The following RWDD4 variants were observed in gnomAD, a reference collection of about 807,000 sequenced individuals.
RWDD4 encodes the protein RWD domain containing 4, also known as RWD domain-containing protein 4.
In RWDD4, 16 loss-of-function variants were observed where a neutral mutation model predicts 30.0. The observed-to-expected ratio is 0.53, with a 90% CI of 0.36 to 0.81. RWDD4 has a LOEUF of 0.81. RWDD4 is among the 30% of genes least tolerant of loss of function. The pLI is 0.00. For synonymous variants in RWDD4, 45 were observed against 72.1 expected (o/e 0.62, Z 1.90); for missense variants, 170 against 223.9 (o/e 0.76, Z 1.54).
chr4:183,639,746 A>T lies in RWDD4; in HGVS notation c.*1690T>A, dbSNP rs1316305863. The T allele has an allele frequency of 6.5e-6, 1 of 152,674 alleles. No individual in the cohort carries two copies. The highest frequency in any genetic ancestry group is 1.5e-5 in the Non-Finnish European group (1 of 68,052). 9.5% of individuals were successfully genotyped at this position (152,674 alleles called of 1,614,324 possible). A position where few individuals can be genotyped will look rare whatever the true frequency, so the allele number is the denominator to read the frequency against. ...GGAGTGTTAAACAGATGACGGCAAT[A>T]TTGATGAGGCTGTTCAAGTGTTTTA... On this transcript the variant is annotated 3_prime_UTR_variant, in exon 8 of 8. Coordinates refer to ENST00000326397, the MANE Select transcript of RWDD4 (RefSeq NM_152682.4).
At chr4:183,643,441 A>AAAAAAAAC (rs1733908065) in intron 7 of RWDD4, among the ~76,000 whole-genome samples, 1 of 143,106 alleles carries the variant, frequency 7.0e-6, no homozygotes, top group Non-Finnish European at 1.5e-5. Context: ...AAAAAAAAAA[A>AAAAAAAAC]AAAAAAGCAT....
At position 183,658,884 on chromosome 4, in the gene RWDD4, G is replaced by T. The variant is rs1027224970; in HGVS notation, c.24+45C>A. ...AGGTCTCACGGGGGCCCGGGGCTGCGCGCCGCGCCCGCGCTGGGAGAGGGC... is the reference window on the plus strand; with the variant it reads ...AGGTCTCACGGGGGCCCGGGGCTGCTCGCCGCGCCCGCGCTGGGAGAGGGC... On this transcript the variant is annotated intron_variant, in intron 1 of 7. Coordinates refer to ENST00000326397, the MANE Select transcript of RWDD4 (RefSeq NM_152682.4). 10 of 1,235,690 alleles carry T rather than the reference G, an allele frequency of 8.1e-6. No individual in the cohort carries two copies. The African/African-American group carries it at 1.5e-4, about 19-fold the overall frequency. 76.5% of individuals were successfully genotyped at this position (1,235,690 alleles called of 1,614,324 possible).
Position 183,655,962 on chromosome 4 carries a change from C to T in RWDD4, c.25-1G>A. ...TAGAGCGTAATGCTTCTAGTTCCAT[C>T]TGAAATAAAGAACTGAATGAGTTTT... On this transcript the variant is annotated splice_acceptor_variant, in intron 1 of 7. Transcript: ENST00000326397. LOFTEE classifies it high-confidence loss of function. 1 of 1,600,104 alleles carries T rather than the reference C, an allele frequency of 6.2e-7. No homozygotes were observed. Among genetic ancestry groups the T allele is most frequent in the Non-Finnish European group, 8.6e-7 (1 of 1,169,582 alleles).
intron 2 of RWDD4, among the ~76,000 whole-genome samples, chr4:183,653,211 T>G (rs1434303267): frequency 2.0e-5 from 3 of 152,214 alleles, no homozygotes; most frequent in Non-Finnish European, 4.4e-5. Flanking sequence ...ACACTAAGAT[T>G]GATCACATGG....
chr4:183,658,185 T>C (rs146460512), intron 1 of RWDD4, among the ~76,000 whole-genome samples: 2 of 152,312 alleles, frequency 1.3e-5, no homozygotes, highest in East Asian at 3.9e-4. Flanking sequence ...TTTCAAGCAT[T>C]ATACTTTAAA....
At chr4:183,641,919 T>C (rs1733863673) in intron 7 of RWDD4, among the ~76,000 whole-genome samples, 2 of 152,308 alleles carry the variant, frequency 1.3e-5, no homozygotes, top group Middle Eastern at 3.4e-3. Context: ...TCTTATAGTT[T>C]TGAAAATATG....
chr4:183,650,940 C>T, intron 4 of RWDD4, 44 bp downstream of exon 4: 2 of 1,581,182 alleles, frequency 1.3e-6, no homozygotes, highest in East Asian at 2.3e-5. Flanking sequence ...ACAGCAAAAC[C>T]AAAACAACAA....
rs188059107 is a variant in RWDD4 at position 183,643,605 on chromosome 4, T to C, written c.535-2137A>G. On this transcript the variant is annotated intron_variant, in intron 7 of 7. Transcript: ENST00000326397. ...ATTCAGAGACCAAATTATGTCTAGG[T>C]GGTAACCTCCTTAAAAATATCTTCT... Among the ~76,000 whole-genome samples the C allele has an allele frequency of 1.3e-3, 199 of 151,540 alleles. 1 individual carries two copies. Among genetic ancestry groups the C allele is most frequent in the African/African-American group, 4.7e-3 (193 of 41,330 alleles).
chr4:183,652,378 T>TTTTTTTTG (rs1734096604), intron 2 of RWDD4, among the ~76,000 whole-genome samples: 2 of 149,796 alleles, frequency 1.3e-5, no homozygotes, highest in African/African-American at 2.5e-5. Context: ...TTTTTTTTTT[T>TTTTTTTTG]GAGACAGGGT....
At chr4:183,641,551 G>C (rs1278829614) in intron 7 of RWDD4, 83 bp from the exon 8 acceptor site, 1 of 1,048,968 alleles carries the variant, frequency 9.5e-7, no homozygotes, top group East Asian at 2.4e-5. Flanking sequence ...TTAAACTATA[G>C]GCAACGAGGC....
intron 7 of RWDD4, 93 bp from the exon 8 acceptor site, chr4:183,641,561 C>CT: frequency 1.1e-6 from 1 of 920,016 alleles, no homozygotes; most frequent in Non-Finnish European, 1.7e-6. Context: ...GGCAACGAGG[C>CT]TTAAGTAACT....
At chr4:183,654,811 T>C (rs79601719) in intron 2 of RWDD4, among the ~76,000 whole-genome samples, 1,811 of 152,314 alleles carry the variant, frequency 0.012, 36 homozygotes, top group African/African-American at 0.041. Flanking sequence ...CAGAAACTTA[T>C]TTTCTGTGAT....
chr4:183,658,813 G>T, intron 1 of RWDD4, 116 bp downstream of exon 1: 3 of 967,430 alleles, frequency 3.1e-6, no homozygotes, highest in Non-Finnish European at 4.0e-6. Flanking sequence ...CACCCCGGCC[G>T]GCTCCGAGGG....
chr4:183,655,658 T>A (rs550038029), intron 2 of RWDD4, among the ~76,000 whole-genome samples: 1 of 152,298 alleles, frequency 6.6e-6, no homozygotes, highest in South Asian at 2.1e-4. Flanking sequence ...TATCTTATGA[T>A]TCTGGTACAA....
At chr4:183,649,631 G>C (rs1734036693) in intron 4 of RWDD4, 63 bp from the exon 5 acceptor site, 1 of 803,390 alleles carries the variant, frequency 1.2e-6, no homozygotes, top group South Asian at 1.6e-5. Context: ...ACTAAATACA[G>C]CTATATCCTG....
At chr4:183,654,673 T>C (rs1039741005) in intron 2 of RWDD4, among the ~76,000 whole-genome samples, 1 of 151,894 alleles carries the variant, frequency 6.6e-6, no homozygotes, top group African/African-American at 2.4e-5. Flanking sequence ...AAGGAGAGAG[T>C]AGCAACTGGA....
chr4:183,652,607 C>T (rs186355105), intron 2 of RWDD4, among the ~76,000 whole-genome samples: 6 of 152,092 alleles, frequency 3.9e-5, no homozygotes, highest in Admixed American at 6.5e-5. Context: ...GTCAAGAGAT[C>T]GAGACCATCC....
At position 183,646,509 on chromosome 4, in the gene RWDD4, C is replaced by A. The variant is rs1219406412; in HGVS notation, c.510G>T (p.Trp170Cys). The A allele has an allele frequency of 3.7e-6, 6 of 1,612,332 alleles. No homozygotes were observed. The highest frequency in any genetic ancestry group is 3.4e-6 in the Non-Finnish European group (4 of 1,179,652). ...ATACCTTCACAACATCAACCCAGTTCCAGCCTCGAGGAAGTTCTCCTTTGT... is the reference window on the plus strand; with the variant it reads ...ATACCTTCACAACATCAACCCAGTTACAGCCTCGAGGAAGTTCTCCTTTGT... ...TDHKGELPRG[W>C]NWVDVVKHLS... Residue 170 changes from tryptophan to cysteine, a missense_variant, in exon 6 of 8, where the codon TGG becomes TGT. By Grantham distance (215) the Trp-to-Cys change is radical. Transcript: ENST00000326397.
chr4:183,641,674 A>G (rs1226888433), intron 7 of RWDD4, among the ~76,000 whole-genome samples: 1 of 152,166 alleles, frequency 6.6e-6, no homozygotes, highest in Non-Finnish European at 1.5e-5. Flanking sequence ...TCTAAACTCA[A>G]CAGAACAAGG....
Sources: gnomAD v4.1 joint callset for allele counts (sites outside exome capture counted in the v4.1 genomes callset) on GRCh38, gnomAD v4.1.1 for gene constraint, MANE v1.5 for transcripts, NCBI Gene and HGNC (gene_info 2026-07-23, HGNC 2026-07-21) for gene names.